The following CEP112 variants were observed in gnomAD, a reference collection of about 807,000 sequenced individuals.
CEP112 encodes the protein centrosomal protein 112.
In CEP112, 127 loss-of-function variants were observed where a neutral mutation model predicts 153.0. That is an observed-to-expected ratio of 0.83 (90% CI 0.72 to 0.96). The LOEUF (loss-of-function observed/expected upper bound fraction) is 0.96. Among genes scored for constraint, CEP112 ranks in the 40% least tolerant of loss-of-function variants. The pLI is 0.00. For missense variants in CEP112, 1,089 were observed against 1,101.2 expected, an observed-to-expected ratio of 0.99 and a Z score of 0.16; for synonymous variants, 358 against 374.4, an observed-to-expected ratio of 0.96 and a Z score of 0.51.
intron 23 of CEP112, among the ~76,000 whole-genome samples, chr17:65,737,646 T>C (rs1567940076): frequency 6.6e-6 from 1 of 152,234 alleles, no homozygotes; most frequent in African/African-American, 2.4e-5. Flanking sequence ...TTCAGCCAGA[T>C]GCATGCTGGC....
At chr17:65,923,538 C>T (rs1032299010) in intron 19 of CEP112, among the ~76,000 whole-genome samples, 2 of 152,012 alleles carry the variant, frequency 1.3e-5, no homozygotes, top group African/African-American at 2.4e-5. Context: ...GAGCAAGACC[C>T]CATCTCTAAG....
intron 23 of CEP112, among the ~76,000 whole-genome samples, chr17:65,722,214 A>G (rs2049926631): frequency 6.6e-6 from 1 of 151,746 alleles, no homozygotes; most frequent in African/African-American, 2.4e-5. Context: ...GGATGAGGGT[A>G]GAAAGACTGG....
At chr17:66,125,143 G>C (rs564740855) in intron 6 of CEP112, among the ~76,000 whole-genome samples, 53 of 152,204 alleles carry the variant, frequency 3.5e-4, no homozygotes, top group Non-Finnish European at 7.1e-4. Context: ...GATACTTCCA[G>C]ATATTTTTAA....
At chr17:65,701,931 C>G (rs986512459) in intron 23 of CEP112, among the ~76,000 whole-genome samples, 5 of 126,512 alleles carry the variant, frequency 4.0e-5, no homozygotes, top group African/African-American at 1.2e-4. Context: ...CGGAGTCTTG[C>G]TCTGTTGCCC....
At chr17:65,857,282 T>C (rs1386052304) in intron 20 of CEP112, among the ~76,000 whole-genome samples, 2 of 152,164 alleles carry the variant, frequency 1.3e-5, no homozygotes, top group East Asian at 3.9e-4. Flanking sequence ...AACAACAAAA[T>C]AAGGTGGGTT....
chr17:66,016,720 A>C (rs1314076202), intron 16 of CEP112, among the ~76,000 whole-genome samples: 1 of 152,242 alleles, frequency 6.6e-6, no homozygotes, highest in African/African-American at 2.4e-5. Context: ...ACCATGTACC[A>C]GTAGTTTCCC....
At chr17:66,136,030 C>T (rs1268794673) in intron 4 of CEP112, among the ~76,000 whole-genome samples, 1 of 152,094 alleles carries the variant, frequency 6.6e-6, no homozygotes, top group Non-Finnish European at 1.5e-5. Flanking sequence ...CATCCAGAGA[C>T]CAGATGAGAG....
chr17:65,972,870 A>G (rs556006151), intron 17 of CEP112, among the ~76,000 whole-genome samples: 383 of 152,324 alleles, frequency 2.5e-3, no homozygotes, highest in South Asian at 5.0e-3. Flanking sequence ...GGTTCAAGTG[A>G]TTCTCATGCC....
intron 21 of CEP112, among the ~76,000 whole-genome samples, chr17:65,825,004 C>G (rs2056769934): frequency 6.6e-6 from 1 of 152,114 alleles, no homozygotes; most frequent in African/African-American, 2.4e-5. Flanking sequence ...AAAGCAGAAA[C>G]TAGAACAGAT....
intron 4 of CEP112, among the ~76,000 whole-genome samples, chr17:66,169,099 C>G (rs2072125788): frequency 6.6e-6 from 1 of 152,006 alleles, no homozygotes; most frequent in African/African-American, 2.4e-5. Flanking sequence ...GATGTAAACT[C>G]AGGCATTCTT....
At chr17:66,027,349 C>G (rs1020100496) in intron 16 of CEP112, 152 bp downstream of exon 16, 2 of 684,170 alleles carry the variant, frequency 2.9e-6, no homozygotes, top group Admixed American at 9.7e-5. Flanking sequence ...TGCACTCCAG[C>G]CTGGGTGACA....
At chr17:66,074,734 G>A (rs924655101) in intron 8 of CEP112, among the ~76,000 whole-genome samples, 1 of 151,798 alleles carries the variant, frequency 6.6e-6, no homozygotes, top group Non-Finnish European at 1.5e-5. Flanking sequence ...GTGGTGGCAC[G>A]TGCCTGTAGT....
Position 66,133,087 on chromosome 17 carries a change from C to CA in CEP112, c.471-325dup, listed in dbSNP as rs202109985. Among the ~76,000 whole-genome samples, 506 of 127,252 alleles carry CA rather than the reference C, an allele frequency of 4.0e-3. 1 individual carries two copies. Among genetic ancestry groups the CA allele is most frequent in the South Asian group, 9.7e-3 (39 of 4,034 alleles). The allele number at this position is 127,252 out of a possible 152,430, so 83.5% of individuals were successfully genotyped here. ...ACACACAAAAAATGATGTTCCACAT[C>CA]AAAAAAAAAAAAGAAAAGAAATACA... On this transcript the variant is annotated intron_variant, in intron 4 of 26. Transcript: ENST00000535342.
At chr17:66,155,543 C>G (rs1440934315) in intron 4 of CEP112, among the ~76,000 whole-genome samples, 1 of 151,486 alleles carries the variant, frequency 6.6e-6, no homozygotes, top group Middle Eastern at 3.2e-3. Flanking sequence ...GCCAGCGAGA[C>G]AGAACCGTTC....
At chr17:65,787,568 T>G (rs1157448995) in intron 21 of CEP112, among the ~76,000 whole-genome samples, 1 of 152,214 alleles carries the variant, frequency 6.6e-6, no homozygotes, top group Non-Finnish European at 1.5e-5. Context: ...ATCTTTAAGA[T>G]ACTTAAGGTA....
In CEP112 at chr17:66,046,649, T is replaced by C. The variant is rs549303750; in HGVS notation, c.1218+7087A>G. On this transcript the variant is annotated intron_variant, in intron 12 of 26. Coordinates refer to ENST00000535342, the MANE Select transcript of CEP112 (RefSeq NM_001199165.4). ...GTTGAAGGACAATCTCCCGTACCTA[T>C]GAGTGTGGCCTTATTTGGTTGGAAA... Among the ~76,000 whole-genome samples the C allele has an allele frequency of 8.5e-5, 13 of 152,322 alleles. No individual in the cohort carries two copies. The South Asian group carries it at 2.7e-3, about 32-fold the overall frequency.
chr17:66,118,026 A>G (rs922979235), intron 6 of CEP112, among the ~76,000 whole-genome samples: 1 of 152,250 alleles, frequency 6.6e-6, no homozygotes, highest in African/African-American at 2.4e-5. Context: ...GCTGACGAGG[A>G]TGTGGAGAAA....
chr17:65,856,111 T>G (rs1487002937), intron 20 of CEP112, among the ~76,000 whole-genome samples: 1 of 152,054 alleles, frequency 6.6e-6, no homozygotes, highest in Non-Finnish European at 1.5e-5. Flanking sequence ...CTTAATATAC[T>G]GAAAAGTGTA....
chr17:66,155,406 G>A (rs1421467168), intron 4 of CEP112, among the ~76,000 whole-genome samples: 1 of 152,078 alleles, frequency 6.6e-6, no homozygotes, highest in Non-Finnish European at 1.5e-5. Flanking sequence ...CAGACCAGGA[G>A]ATTCCCTTAG....
Sources: allele counts gnomAD v4.1 joint callset (sites outside exome capture counted in the v4.1 genomes callset), GRCh38; gene constraint gnomAD v4.1.1; transcripts MANE v1.5; gene names NCBI Gene and HGNC (gene_info 2026-07-23, HGNC 2026-07-21).